ZFP2: variants seen among roughly 807,000 people sequenced by gnomAD.
The protein encoded by ZFP2 is ZFP2 zinc finger protein, also known as zinc finger protein ZFP2.
ZFP2 carries 33 observed loss-of-function variants against 36.1 expected under a neutral mutation model. The observed-to-expected ratio is 0.92, with a 90% CI of 0.69 to 1.22. The LOEUF (loss-of-function observed/expected upper bound fraction) is 1.22. Ranked by LOEUF, ZFP2 falls within the 50% of genes most tolerant of loss-of-function variation. ZFP2 has a pLI of 0.00. For missense variants in ZFP2, 522 were observed against 551.4 expected (o/e 0.95, Z 0.53); for synonymous variants, 170 against 178.0 (o/e 0.96, Z 0.36).
chr5:178,921,980 T>A (rs187199351), intron 4 of ZFP2: 1 of 599,036 alleles, frequency 1.7e-6, no homozygotes, highest in East Asian at 2.6e-5. Context: ...AGGTCACAGA[T>A]TATGGGCCAT....
At chr5:178,917,313 C>T (rs866160510) in intron 4 of ZFP2, among the ~76,000 whole-genome samples, 34 of 152,178 alleles carry the variant, frequency 2.2e-4, no homozygotes, top group South Asian at 4.1e-4. Context: ...CTGTGTTTCA[C>T]ACATGATTTT....
intron 4 of ZFP2, among the ~76,000 whole-genome samples, chr5:178,927,453 A>C (rs1347301406): frequency 1.3e-5 from 2 of 152,084 alleles, no homozygotes; most frequent in Non-Finnish European, 2.9e-5. Flanking sequence ...ACATTGCTAT[A>C]AAGAAACACC....
intron 3 of ZFP2, among the ~76,000 whole-genome samples, chr5:178,915,142 G>GT (rs905957783): frequency 5.9e-5 from 9 of 152,104 alleles, no homozygotes; most frequent in African/African-American, 2.2e-4. Flanking sequence ...ATGTGCAGCA[G>GT]TTTTTTCCTT....
chr5:178,927,327 C>T (rs960849208), intron 4 of ZFP2, among the ~76,000 whole-genome samples: 1 of 152,106 alleles, frequency 6.6e-6, no homozygotes, highest in African/African-American at 2.4e-5. Context: ...GGGAAGAAAC[C>T]TCTAGATTGT....
intron 3 of ZFP2, chr5:178,915,667 A>T: frequency 6.7e-6 from 1 of 149,708 alleles, no homozygotes. Flanking sequence ...ATCATTTTCC[A>T]TGTCTGTCTG....
At chr5:178,913,459 C>T (rs1157233332) in intron 3 of ZFP2, among the ~76,000 whole-genome samples, 1 of 152,196 alleles carries the variant, frequency 6.6e-6, no homozygotes, top group Non-Finnish European at 1.5e-5. Context: ...ATATCCATAG[C>T]TTCCTTTCTG....
chr5:178,907,743 G>A (rs867483426), intron 1 of ZFP2, among the ~76,000 whole-genome samples: 1 of 151,866 alleles, frequency 6.6e-6, no homozygotes, highest in Non-Finnish European at 1.5e-5. Flanking sequence ...CAAGGCAAAC[G>A]AAACAAACAA....
intron 1 of ZFP2, among the ~76,000 whole-genome samples, chr5:178,896,732 T>A (rs1206608523): frequency 6.6e-6 from 1 of 151,822 alleles, no homozygotes; most frequent in East Asian, 1.9e-4. Context: ...AGAAACACTT[T>A]GTACTTTGTT....
intron 4 of ZFP2, among the ~76,000 whole-genome samples, chr5:178,924,400 A>G (rs531195728): frequency 2.0e-5 from 3 of 147,646 alleles, no homozygotes; most frequent in African/African-American, 7.3e-5. Context: ...AAACCTGCCC[A>G]AGGTCACACA....
At chr5:178,908,390 TGA>T (rs1758212235) in intron 1 of ZFP2, among the ~76,000 whole-genome samples, 1 of 150,488 alleles carries the variant, frequency 6.6e-6, no homozygotes, top group Non-Finnish European at 1.5e-5. Flanking sequence ...GAGCTTGTAG[TGA>T]GCCGAGATTG....
At chr5:178,929,830 A>C (rs754107026) in intron 4 of ZFP2, among the ~76,000 whole-genome samples, 1 of 151,754 alleles carries the variant, frequency 6.6e-6, no homozygotes, top group Non-Finnish European at 1.5e-5. Context: ...GTATTACTCA[A>C]TTCTCACATT....
rs756778018 is a variant in ZFP2 at position 178,932,457 on chromosome 5, T to C, written c.1144T>C (p.Tyr382His). The C allele has an allele frequency of 1.2e-6, 2 of 1,614,152 alleles. No individual in the cohort carries two copies. Among genetic ancestry groups the C allele is most frequent in the Admixed American group, 1.7e-5 (1 of 60,034 alleles). ...HQVIHTGEKPYECNECGKAFS... is the reference protein window; with the variant it reads ...HQVIHTGEKPHECNECGKAFS... The stretch of plus-strand genomic sequence containing the variant: ...GGTCATTCACACTGGAGAGAAACCT[T>C]ATGAGTGCAATGAATGTGGAAAGGC... The change falls in exon 5 of 5, where the codon TAT becomes CAT. Residue 382 changes from tyrosine (Y) to histidine (H), a missense_variant. Coordinates refer to ENST00000361362, the MANE Select transcript of ZFP2 (RefSeq NM_030613.4).
chr5:178,929,942 T>G (rs10075982), intron 4 of ZFP2, among the ~76,000 whole-genome samples: 86,483 of 131,964 alleles, frequency 0.66, 27,054 homozygotes, highest in African/African-American at 0.67. Context: ...TGCTTGACGG[T>G]GGGGGGGGGG....
rs146772907 is a variant in ZFP2, at chr5:178,906,641, C to T, written c.-449-5943C>T. On this transcript the variant is annotated intron_variant, in intron 1 of 4. Coordinates refer to ENST00000361362, the MANE Select transcript of ZFP2 (RefSeq NM_030613.4). ...CCCGATCTCGGCTCACTGCAACCTC[C>T]GCCTCCCGGGTTCAAGTGATTTTCC... Among the ~76,000 whole-genome samples the T allele has an allele frequency of 8.2e-3, 1,251 of 151,966 alleles. 65 individuals are homozygous for T. The East Asian group carries it at 0.13, about 15-fold the overall frequency.
intron 4 of ZFP2, among the ~76,000 whole-genome samples, chr5:178,924,753 C>CAT (rs1012001280): frequency 6.7e-6 from 1 of 148,644 alleles, no homozygotes; most frequent in Non-Finnish European, 1.5e-5. Flanking sequence ...GAGACTGAGG[C>CAT]AGGAGAATCA....
chr5:178,899,902 T>C (rs958380775), intron 1 of ZFP2, among the ~76,000 whole-genome samples: 3 of 152,174 alleles, frequency 2.0e-5, no homozygotes, highest in Admixed American at 6.5e-5. Context: ...CTTGTTTATT[T>C]ATTAGAGACC....
In ZFP2 at chr5:178,898,278, G is replaced by A. The variant is rs759383833; in HGVS notation, c.-450+2304G>A. Among the ~76,000 whole-genome samples the A allele has an allele frequency of 8.5e-5, 13 of 152,286 alleles. No homozygotes were observed. In the South Asian group the frequency reaches 1.7e-3, roughly 19 times the overall value. On this transcript the variant is annotated intron_variant, in intron 1 of 4. Transcript: ENST00000361362. ...TGGGATTACAGGCGTGAGCCACCGC[G>A]CATGGCCCATATTAACTGTAAAATA...
chr5:178,907,485 T>C (rs1337760233), intron 1 of ZFP2, among the ~76,000 whole-genome samples: 3 of 151,852 alleles, frequency 2.0e-5, no homozygotes, highest in Admixed American at 2.0e-4. Context: ...GGGGGTTAAG[T>C]GACAACATGG....
chr5:178,927,385 A>C (rs77612877), intron 4 of ZFP2, among the ~76,000 whole-genome samples: 4,226 of 152,174 alleles, frequency 0.028, 141 homozygotes, highest in African/African-American at 0.077. Context: ...CTGGTACTTT[A>C]TGTTCCAGAG....
Sources: gnomAD v4.1 joint callset for allele counts (sites outside exome capture counted in the v4.1 genomes callset) on GRCh38, gnomAD v4.1.1 for gene constraint, MANE v1.5 for transcripts, NCBI Gene and HGNC (gene_info 2026-07-23, HGNC 2026-07-21) for gene names.